CCDC93: variants seen among roughly 807,000 people sequenced by gnomAD.
CCDC93 encodes coiled-coil domain-containing protein 93.
In CCDC93, 61 loss-of-function variants were observed where a neutral mutation model predicts 108.2. That is an observed-to-expected ratio of 0.56 (90% confidence interval 0.46 to 0.70). CCDC93 has a LOEUF of 0.70. Ranked by LOEUF, CCDC93 falls within the 30% of genes least tolerant of loss-of-function variation. CCDC93 has a pLI of 0.00. For synonymous variants in CCDC93, 276 were observed against 260.4 expected (o/e 1.06, Z -0.58); for missense variants, 685 against 764.2 (o/e 0.90, Z 1.22).
At chr2:118,004,588 T>TG (rs779552026) in intron 3 of CCDC93, among the ~76,000 whole-genome samples, 6 of 152,040 alleles carry the variant, frequency 3.9e-5, no homozygotes, top group Admixed American at 1.3e-4. Context: ...AACTCTATGG[T>TG]GGGGGGGAAC....
At chr2:117,925,256 A>G (rs866419631) in intron 23 of CCDC93, among the ~76,000 whole-genome samples, 18 of 152,330 alleles carry the variant, frequency 1.2e-4, no homozygotes, top group African/African-American at 3.8e-4. Flanking sequence ...GACAGGATCA[A>G]ATTCACACAT....
chr2:117,951,822 C>T (rs1558779294), intron 13 of CCDC93: 1 of 314,116 alleles, frequency 3.2e-6, no homozygotes, highest in South Asian at 1.3e-4. Flanking sequence ...TGAAGTAGCA[C>T]ACTTGCAACC....
At chr2:117,936,829 T>C in intron 20 of CCDC93, 90 bp from the exon 21 acceptor site, 1 of 959,020 alleles carries the variant, frequency 1.0e-6, no homozygotes, top group Admixed American at 1.7e-5. Flanking sequence ...TGTCTCCACA[T>C]ACTGCTTCTG....
chr2:117,987,923 A>G (rs530126664), intron 6 of CCDC93, among the ~76,000 whole-genome samples: 1 of 152,222 alleles, frequency 6.6e-6, no homozygotes, highest in African/African-American at 2.4e-5. Flanking sequence ...ATCTGAGTGT[A>G]GTTATCCTTG....
intron 7 of CCDC93, among the ~76,000 whole-genome samples, chr2:117,984,005 G>C (rs141918701): frequency 6.6e-6 from 1 of 152,114 alleles, no homozygotes; most frequent in African/African-American, 2.4e-5. Context: ...TATCTTAGTT[G>C]AAGTGCCAAT....
At chr2:118,013,390 C>T (rs1241331113) in intron 1 of CCDC93, among the ~76,000 whole-genome samples, 3 of 152,162 alleles carry the variant, frequency 2.0e-5, no homozygotes, top group Admixed American at 1.3e-4. Context: ...CTCCCTGGTG[C>T]GCGCAAGTCT....
chr2:117,952,458 A>G, intron 12 of CCDC93, 23 bp from the exon 13 acceptor site: 1 of 1,533,092 alleles, frequency 6.5e-7, no homozygotes, highest in Non-Finnish European at 9.0e-7. Flanking sequence ...GATAAAAGAC[A>G]TATGCTCTCA....
At chr2:117,978,967 C>T (rs1430305536) in intron 7 of CCDC93, among the ~76,000 whole-genome samples, 1 of 152,180 alleles carries the variant, frequency 6.6e-6, no homozygotes, top group Non-Finnish European at 1.5e-5. Flanking sequence ...GAGATCATAG[C>T]ACTGGACTCC....
chr2:117,933,618 G>C (rs1040060628), intron 22 of CCDC93, among the ~76,000 whole-genome samples: 1 of 152,006 alleles, frequency 6.6e-6, no homozygotes, highest in Non-Finnish European at 1.5e-5. Context: ...TGAACCTGCT[G>C]GTTCTGAGAA....
At chr2:117,921,024 T>C (rs1284996676) in intron 23 of CCDC93, among the ~76,000 whole-genome samples, 2 of 16,850 alleles carry the variant, frequency 1.2e-4, no homozygotes, top group African/African-American at 1.5e-3. Flanking sequence ...ACTAAAAATA[T>C]AAATTAGCCA....
At chr2:117,993,438 C>CAAAAA (rs35648657) in intron 6 of CCDC93, among the ~76,000 whole-genome samples, 2 of 141,998 alleles carry the variant, frequency 1.4e-5, no homozygotes. Flanking sequence ...CTTTTGTTAC[C>CAAAAA]AAAAAAAAAA....
At chr2:117,980,359 T>C (rs1294873968) in intron 7 of CCDC93, among the ~76,000 whole-genome samples, 14 of 152,224 alleles carry the variant, frequency 9.2e-5, no homozygotes, top group Non-Finnish European at 1.8e-4. Context: ...TATTCATCTT[T>C]CCTTTTTTAT....
At position 117,920,413 on chromosome 2, in the gene CCDC93, G is replaced by C. The variant is rs752366527; in HGVS notation, c.1843-17C>G. On this transcript the variant is annotated splice_polypyrimidine_tract_variant and intron_variant, in intron 23 of 23. Transcript: ENST00000376300. ...GCGGCCCTCCTGGAGGGAAAGCAGA[G>C]AGTATAGAGAGAGTGGTGACTACAT... 1 of 1,601,586 alleles carries C rather than the reference G, an allele frequency of 6.2e-7. No homozygotes were observed. The highest frequency in any genetic ancestry group is 8.5e-7 in the Non-Finnish European group (1 of 1,169,622).
At chr2:117,958,523 T>C in intron 11 of CCDC93, 42 bp from the exon 12 acceptor site, 2 of 1,156,386 alleles carry the variant, frequency 1.7e-6, no homozygotes, top group Non-Finnish European at 2.6e-6. Context: ...ATTTAGTTAG[T>C]TGACCTTGGT....
intron 6 of CCDC93, 129 bp from the exon 7 acceptor site, chr2:117,986,198 T>G (rs1680315120): frequency 1.8e-6 from 1 of 547,992 alleles, no homozygotes; most frequent in African/African-American, 2.1e-5. Context: ...AGAGTCTCGC[T>G]CTGTCGCTCA....
intron 11 of CCDC93, among the ~76,000 whole-genome samples, chr2:117,966,324 C>T (rs1679572616): frequency 6.6e-6 from 1 of 152,178 alleles, no homozygotes; most frequent in African/African-American, 2.4e-5. Flanking sequence ...AGGAAGGGGG[C>T]AGTAAGACAG....
chr2:117,977,424 A>G (rs998134526), intron 8 of CCDC93, among the ~76,000 whole-genome samples: 2 of 152,228 alleles, frequency 1.3e-5, no homozygotes, highest in African/African-American at 4.8e-5. Context: ...AGAGCCCTTA[A>G]CATACAGCCT....
Position 117,917,631 on chromosome 2 carries a change from A to G in CCDC93, c.*2712T>C, listed in dbSNP as rs1467586133. 6.6e-6 allele frequency: 1 copy of G among 152,288 alleles called. No individual in the cohort carries two copies. The highest frequency in any genetic ancestry group is 1.5e-5 in the Non-Finnish European group (1 of 68,048). The allele number at this position is 152,288 out of a possible 1,614,324, so 9.4% of individuals were successfully genotyped here. A position where few individuals can be genotyped will look rare whatever the true frequency, so the allele number is the denominator to read the frequency against. On this transcript the variant is annotated 3_prime_UTR_variant, in exon 24 of 24. Transcript: ENST00000376300. ...AGTGTGACTCTGACGACTGTTTAAC[A>G]TTCTGTACCTCCCTCTAGTGGTGTT...
rs943484098 is a variant in CCDC93, at chr2:117,986,152, T to C, written c.520-83A>G. 3.1e-5 allele frequency: 19 copies of C among 617,162 alleles called. No individual in the cohort carries two copies. In the Middle Eastern group the frequency reaches 1.6e-3, roughly 53 times the overall value. 38.2% of individuals were successfully genotyped at this position (617,162 alleles called of 1,614,324 possible). A position where few individuals can be genotyped will look rare whatever the true frequency, so the allele number is the denominator to read the frequency against. On this transcript the variant is annotated intron_variant, in intron 6 of 23. Transcript: ENST00000376300. ...CTGCTGGATGCCTCCAGCCATGGGGTATATTCTCTTTTTTTTTTTTTTTTT... is the reference window on the plus strand; with the variant it reads ...CTGCTGGATGCCTCCAGCCATGGGGCATATTCTCTTTTTTTTTTTTTTTTT...
Sources: gnomAD v4.1 joint callset for allele counts (sites outside exome capture counted in the v4.1 genomes callset) on GRCh38, gnomAD v4.1.1 for gene constraint, MANE v1.5 for transcripts, NCBI Gene and HGNC (gene_info 2026-07-23, HGNC 2026-07-21) for gene names.